BANF2: variants seen among roughly 807,000 people sequenced by gnomAD.
The protein encoded by BANF2 is BANF family member 2, also known as barrier-to-autointegration factor-like protein.
BANF2 carries 4 observed loss-of-function variants against 8.0 expected under a neutral mutation model. The ratio of observed to expected loss-of-function variants is 0.50; its 90% CI spans 0.25 to 1.14. BANF2 has a LOEUF of 1.14. BANF2 is among the 50% of genes most tolerant of loss of function. BANF2 has a pLI of 0.16. For missense variants in BANF2, 96 were observed against 107.5 expected, an observed-to-expected ratio of 0.89 and a Z score of 0.47; for synonymous variants, 50 against 40.6, an observed-to-expected ratio of 1.23 and a Z score of -0.88.
At position 17,735,837 on chromosome 20, in the gene BANF2, C is replaced by G. The variant is rs2037971129; in HGVS notation, c.*26C>G. The G allele has an allele frequency of 1.3e-6, 2 of 1,599,692 alleles. No individual in the cohort carries two copies. Among genetic ancestry groups the G allele is most frequent in the Non-Finnish European group, 1.7e-6 (2 of 1,170,088 alleles). The stretch of plus-strand genomic sequence containing the variant: ...ACACAAACCTCATTGCTGCCCCCCA[C>G]CACCCTCTGGGGAAAATGACGCCTT... On this transcript the variant is annotated 3_prime_UTR_variant, in exon 4 of 4. Coordinates refer to ENST00000246090, the MANE Select transcript of BANF2 (RefSeq NM_178477.5).
chr20:17,709,832 T>C (rs1205338544), intron 1 of BANF2, among the ~76,000 whole-genome samples: 1 of 152,208 alleles, frequency 6.6e-6, no homozygotes, highest in African/African-American at 2.4e-5. Flanking sequence ...ATGATCTTGG[T>C]GCGGAGCTTA....
At chr20:17,734,870 C>T (rs575663883) in intron 3 of BANF2, among the ~76,000 whole-genome samples, 2 of 152,038 alleles carry the variant, frequency 1.3e-5, no homozygotes, top group Admixed American at 6.5e-5. Flanking sequence ...GTGGATCACC[C>T]GAGATCAGGA....
At chr20:17,714,463 A>G (rs531194881) in intron 1 of BANF2, among the ~76,000 whole-genome samples, 11 of 152,228 alleles carry the variant, frequency 7.2e-5, no homozygotes, top group Non-Finnish European at 1.5e-4. Context: ...TCCAGCCTAG[A>G]TGGAATTTTA....
upstream of BANF2, among the ~76,000 whole-genome samples, chr20:17,699,186 G>A (rs1244125520): frequency 2.0e-5 from 3 of 152,180 alleles, no homozygotes; most frequent in Admixed American, 1.3e-4. Flanking sequence ...TTTCCAAAGC[G>A]AAGCCGTTTG....
At chr20:17,711,386 G>A (rs990795109) in intron 1 of BANF2, among the ~76,000 whole-genome samples, 6 of 152,354 alleles carry the variant, frequency 3.9e-5, no homozygotes, top group East Asian at 1.9e-4. Flanking sequence ...AAGAAAATAC[G>A]ATTCTTTATT....
chr20:17,733,716 T>C (rs906310586), intron 3 of BANF2, among the ~76,000 whole-genome samples: 2 of 152,200 alleles, frequency 1.3e-5, no homozygotes, highest in African/African-American at 4.8e-5. Context: ...ATTGCTTTTT[T>C]TAAAAAAGAT....
chr20:17,713,801 C>T (rs766601653), intron 1 of BANF2, among the ~76,000 whole-genome samples: 39 of 152,062 alleles, frequency 2.6e-4, no homozygotes, highest in Non-Finnish European at 5.0e-4. Context: ...GGCCACTGCA[C>T]TCCAGCCTGG....
At chr20:17,728,098 C>T (rs933177588) in intron 3 of BANF2, among the ~76,000 whole-genome samples, 4 of 152,180 alleles carry the variant, frequency 2.6e-5, no homozygotes, top group Admixed American at 6.5e-5. Flanking sequence ...CTGAGCCTCA[C>T]GTGACCTCCT....
At chr20:17,724,185 G>A (rs1041785629) in intron 2 of BANF2, among the ~76,000 whole-genome samples, 1 of 152,208 alleles carries the variant, frequency 6.6e-6, no homozygotes, top group Non-Finnish European at 1.5e-5. Context: ...CTGGGAGATG[G>A]TGGTCCATTT....
intron 1 of BANF2, among the ~76,000 whole-genome samples, chr20:17,711,276 G>A (rs887615175): frequency 1.3e-5 from 2 of 152,208 alleles, no homozygotes; most frequent in Admixed American, 6.5e-5. Context: ...CCCCTCCAGG[G>A]CCTGTAAAGC....
chr20:17,723,817 A>T (rs1324628625), intron 2 of BANF2, among the ~76,000 whole-genome samples: 1 of 152,210 alleles, frequency 6.6e-6, no homozygotes, highest in Non-Finnish European at 1.5e-5. Flanking sequence ...CAACATGGTG[A>T]AACCTCATCT....
At chr20:17,694,387 G>A (rs1247717064) in intron 1 of BANF2, among the ~76,000 whole-genome samples, 1 of 152,124 alleles carries the variant, frequency 6.6e-6, no homozygotes, top group Non-Finnish European at 1.5e-5. Flanking sequence ...TCTAGGTGCA[G>A]GGATCAGCAT....
rs367750321 is a variant in BANF2, at chr20:17,735,861, T to C, written c.*50T>C. On this transcript the variant is annotated 3_prime_UTR_variant, in exon 4 of 4. Coordinates refer to ENST00000246090, the MANE Select transcript of BANF2 (RefSeq NM_178477.5). ...ACCACCCTCTGGGGAAAATGACGCC[T>C]TCTCCACCTATGCCCAGGCTCCGAG... 8.9e-6 allele frequency: 14 copies of C among 1,574,948 alleles called. No individual in the cohort carries two copies. The African/African-American group carries it at 1.6e-4, about 18-fold the overall frequency.
intron 3 of BANF2, among the ~76,000 whole-genome samples, chr20:17,728,756 GT>G (rs1406183218): frequency 6.6e-6 from 1 of 152,150 alleles, no homozygotes; most frequent in Non-Finnish European, 1.5e-5. Context: ...TCTTCTGGGT[GT>G]TTTGTATCTG....
chr20:17,715,334 C>T (rs2037636033), intron 1 of BANF2, among the ~76,000 whole-genome samples: 1 of 152,198 alleles, frequency 6.6e-6, no homozygotes, highest in Admixed American at 6.5e-5. Flanking sequence ...CTGCAGAAGA[C>T]ATCGTCCTGA....
chr20:17,712,687 C>T, intron 1 of BANF2: 3 of 377,900 alleles, frequency 7.9e-6, no homozygotes, highest in Non-Finnish European at 1.1e-5. Flanking sequence ...CCCTTCCTGT[C>T]TTCTGGGGAA....
At chr20:17,718,049 C>T (rs1440937532) in intron 1 of BANF2, among the ~76,000 whole-genome samples, 2 of 152,148 alleles carry the variant, frequency 1.3e-5, no homozygotes, top group African/African-American at 2.4e-5. Context: ...ATTGAAATAA[C>T]ATATTACATA....
chr20:17,732,791 C>T (rs762003512), intron 3 of BANF2, among the ~76,000 whole-genome samples: 3 of 152,212 alleles, frequency 2.0e-5, no homozygotes, highest in Non-Finnish European at 2.9e-5. Context: ...CCTCCCACCC[C>T]AGTAGCTGAA....
At chr20:17,707,823 A>G (rs2037505917) in intron 1 of BANF2, among the ~76,000 whole-genome samples, 2 of 151,678 alleles carry the variant, frequency 1.3e-5, no homozygotes, top group African/African-American at 2.4e-5. Flanking sequence ...CAGATGATCC[A>G]CCCACCTTGG....
Sources: allele counts gnomAD v4.1 joint callset (sites outside exome capture counted in the v4.1 genomes callset), GRCh38; gene constraint gnomAD v4.1.1; transcripts MANE v1.5; gene names NCBI Gene and HGNC (gene_info 2026-07-23, HGNC 2026-07-21).